Variants in ATF2 observed in about 807,000 individuals in gnomAD.
The protein encoded by ATF2 is activating transcription factor 2.
ATF2 carries 24 observed loss-of-function variants against 60.6 expected under a neutral mutation model. The observed-to-expected ratio is 0.40, with a 90% CI of 0.29 to 0.56. The LOEUF (loss-of-function observed/expected upper bound fraction) is 0.56. Among genes scored for constraint, ATF2 ranks in the 20% least tolerant of loss-of-function variants. The pLI is 0.54. For synonymous variants in ATF2, 206 were observed against 215.4 expected, an observed-to-expected ratio of 0.96 and a Z score of 0.38; for missense variants, 433 against 607.7, an observed-to-expected ratio of 0.71 and a Z score of 3.02.
intron 10 of ATF2, among the ~76,000 whole-genome samples, chr2:175,103,513 G>A (rs1349446276): frequency 1.3e-5 from 2 of 152,154 alleles, no homozygotes; most frequent in East Asian, 1.9e-4. Flanking sequence ...CAGGTCAGAA[G>A]AATTCTGCTG....
At chr2:175,116,116 A>G (rs1222581302) in intron 7 of ATF2, among the ~76,000 whole-genome samples, 1 of 152,178 alleles carries the variant, frequency 6.6e-6, no homozygotes, top group Non-Finnish European at 1.5e-5. Context: ...TTTAAATACA[A>G]TGGTAGACCA....
intron 5 of ATF2, among the ~76,000 whole-genome samples, chr2:175,119,582 T>C (rs931476919): frequency 1.3e-5 from 2 of 151,588 alleles, no homozygotes; most frequent in Non-Finnish European, 3.0e-5. Context: ...TCAGGCACTG[T>C]TAGTAATATC....
chr2:175,075,193 C>T (rs1202751081), intron 13 of ATF2: 1 of 612,924 alleles, frequency 1.6e-6, no homozygotes, highest in South Asian at 2.6e-5. Flanking sequence ...TCTGGTTGGC[C>T]TACATGTCAT....
intron 10 of ATF2, among the ~76,000 whole-genome samples, chr2:175,097,825 C>A (rs914642152): frequency 1.3e-5 from 2 of 152,120 alleles, no homozygotes; most frequent in East Asian, 1.9e-4. Flanking sequence ...AACCTGCAAA[C>A]AGAGATCAAA....
intron 2 of ATF2, among the ~76,000 whole-genome samples, chr2:175,142,424 C>T (rs1171895533): frequency 1.3e-5 from 2 of 152,060 alleles, no homozygotes; most frequent in Non-Finnish European, 2.9e-5. Flanking sequence ...GCCTTGGCCT[C>T]CCAAAGTGCT....
intron 13 of ATF2, among the ~76,000 whole-genome samples, chr2:175,078,274 T>C (rs1006246456): frequency 2.6e-5 from 4 of 152,004 alleles, no homozygotes; most frequent in African/African-American, 7.3e-5. Context: ...GCCTGGCCTA[T>C]ACATATTTTC....
chr2:175,097,710 C>T, intron 10 of ATF2, 117 bp from the exon 11 acceptor site: 12 of 1,040,242 alleles, frequency 1.2e-5, no homozygotes, highest in South Asian at 7.7e-5. Context: ...CCTAGTACTA[C>T]TAGAGGATTC....
At chr2:175,136,048 C>G (rs1698127575) in intron 3 of ATF2, among the ~76,000 whole-genome samples, 1 of 144,170 alleles carries the variant, frequency 6.9e-6, no homozygotes. Flanking sequence ...GGACTCTTCA[C>G]AGTCTTTAAT....
chr2:175,074,389 A>T lies in ATF2; in HGVS notation c.*220T>A. ...CACAGAAAAATTAATAAATCTAATAATATTTATAAAAAAAGCAAAATCAGT... is the reference window on the plus strand; with the variant it reads ...CACAGAAAAATTAATAAATCTAATATTATTTATAAAAAAAGCAAAATCAGT... On this transcript the variant is annotated 3_prime_UTR_variant, in exon 14 of 14. Coordinates refer to ENST00000264110, the MANE Select transcript of ATF2 (RefSeq NM_001880.4). The T allele has an allele frequency of 2.7e-6, 1 of 366,964 alleles. No homozygotes were observed. Among genetic ancestry groups the T allele is most frequent in the Non-Finnish European group, 4.8e-6 (1 of 207,562 alleles). 22.7% of individuals were successfully genotyped at this position (366,964 alleles called of 1,614,324 possible). A position where few individuals can be genotyped will look rare whatever the true frequency, so the allele number is the denominator to read the frequency against.
At chr2:175,079,878 A>G (rs1693651252) in intron 13 of ATF2, among the ~76,000 whole-genome samples, 1 of 152,174 alleles carries the variant, frequency 6.6e-6, no homozygotes. Context: ...TGGGTTATAT[A>G]TTATAAATGT....
rs1229386768 is a variant in ATF2, at chr2:175,127,318, T to C, written c.102+2820A>G. Reference sequence around the variant, plus strand: ...TTGGTTGGTGAAACCTAAAATCATATGCAGAATTCTAGGTGCAAAGAGAAC... The same window carrying C: ...TTGGTTGGTGAAACCTAAAATCATACGCAGAATTCTAGGTGCAAAGAGAAC... On this transcript the variant is annotated intron_variant, in intron 4 of 13. Coordinates refer to ENST00000264110, the MANE Select transcript of ATF2 (RefSeq NM_001880.4). The C allele has an allele frequency of 1.3e-5, 2 of 154,758 alleles. 1 individual carries two copies. The highest frequency in any genetic ancestry group is 1.0e-3 in the Middle Eastern group (2 of 1,942). The allele number at this position is 154,758 out of a possible 1,614,324, so 9.6% of individuals were successfully genotyped here.
intron 9 of ATF2, 127 bp from the exon 10 acceptor site, chr2:175,111,781 T>G (rs1024678597): frequency 2.6e-6 from 2 of 778,470 alleles, no homozygotes; most frequent in African/African-American, 1.8e-5. Context: ...CCAGCTGATT[T>G]TATCTCTATA....
At chr2:175,156,294 C>G (rs1222781194) in intron 1 of ATF2, among the ~76,000 whole-genome samples, 2 of 145,268 alleles carry the variant, frequency 1.4e-5, no homozygotes, top group African/African-American at 5.2e-5. Context: ...TTGCTTTAAC[C>G]TGGGAGGCGG....
At chr2:175,128,940 A>G (rs992772883) in intron 4 of ATF2, among the ~76,000 whole-genome samples, 6 of 152,136 alleles carry the variant, frequency 3.9e-5, no homozygotes, top group Admixed American at 3.9e-4. Context: ...GCAGCCTGGT[A>G]ATTTCCTAAA....
At chr2:175,156,410 C>T (rs1052221520) in intron 1 of ATF2, among the ~76,000 whole-genome samples, 1 of 124,178 alleles carries the variant, frequency 8.1e-6, no homozygotes, top group Admixed American at 7.9e-5. Flanking sequence ...AAAAGGACTA[C>T]AGATCCAAAA....
Position 175,109,168 on chromosome 2 carries a change from T to TAAA in ATF2, c.828+2397_828+2399dup, listed in dbSNP as rs66812318. Among the ~76,000 whole-genome samples the TAAA allele has an allele frequency of 2.9e-3, 240 of 82,576 alleles. 6 individuals are homozygous for TAAA. Among genetic ancestry groups the TAAA allele is most frequent in the African/African-American group, 4.5e-3 (98 of 21,706 alleles). The allele number at this position is 82,576 out of a possible 152,430, so 54.2% of individuals were successfully genotyped here. ...GTGAGAAACACCCAAGAATGATCAA[T>TAAA]AAAAAAAAAAAAAAAAAAAAAAAAA... On this transcript the variant is annotated intron_variant, in intron 10 of 13. Coordinates refer to ENST00000264110, the MANE Select transcript of ATF2 (RefSeq NM_001880.4).
Position 175,155,971 on chromosome 2 carries a change from G to A in ATF2, c.-142-4813C>T, listed in dbSNP as rs193056110. Reference sequence around the variant, plus strand: ...CAAGTTTCTTTTCAGGAGTATATGAGTGTATTAGGCAGAATGGCCTTCCAA... The same window carrying A: ...CAAGTTTCTTTTCAGGAGTATATGAATGTATTAGGCAGAATGGCCTTCCAA... On this transcript the variant is annotated intron_variant, in intron 1 of 13. Transcript: ENST00000264110. Among the ~76,000 whole-genome samples the A allele has an allele frequency of 1.4e-4, 21 of 152,202 alleles. No individual in the cohort carries two copies. In the East Asian group the frequency reaches 3.1e-3, roughly 22 times the overall value.
At chr2:175,151,628 T>G (rs1343205852) in intron 1 of ATF2, among the ~76,000 whole-genome samples, 1 of 152,164 alleles carries the variant, frequency 6.6e-6, no homozygotes, top group Non-Finnish European at 1.5e-5. Flanking sequence ...AGCTTGACTT[T>G]TAAATATATG....
chr2:175,088,885 A>T (rs1378133149), intron 12 of ATF2, among the ~76,000 whole-genome samples: 1 of 152,212 alleles, frequency 6.6e-6, no homozygotes, highest in Admixed American at 6.5e-5. Flanking sequence ...ATATTACTTT[A>T]AAAATACAGT....
Sources: allele counts gnomAD v4.1 joint callset (sites outside exome capture counted in the v4.1 genomes callset), GRCh38; gene constraint gnomAD v4.1.1; transcripts MANE v1.5; gene names NCBI Gene and HGNC (gene_info 2026-07-23, HGNC 2026-07-21).